ARHGAP15: variants seen among roughly 807,000 people sequenced by gnomAD.
The protein encoded by ARHGAP15 is Rho GTPase activating protein 15.
In ARHGAP15, 51 loss-of-function variants were observed where a neutral mutation model predicts 63.7. The observed-to-expected ratio is 0.80, with a 90% CI of 0.64 to 1.01. The LOEUF (loss-of-function observed/expected upper bound fraction) is 1.01. Among genes scored for constraint, ARHGAP15 ranks in the 50% least tolerant of loss-of-function variants. The probability of loss-of-function intolerance (pLI) is 0.00; values close to 1 mark genes in which losing one functional copy is unlikely to be tolerated. For synonymous variants in ARHGAP15, 191 were observed against 193.8 expected (o/e 0.99, Z 0.12); for missense variants, 560 against 564.6 (o/e 0.99, Z 0.08).
intron 12 of ARHGAP15, among the ~76,000 whole-genome samples, chr2:143,666,327 C>T (rs1156938103): frequency 6.6e-6 from 1 of 151,798 alleles, no homozygotes; most frequent in Admixed American, 6.6e-5. Flanking sequence ...GAAAGGATTC[C>T]CTATTTAATA....
At chr2:143,624,096 A>T (rs763003389) in intron 11 of ARHGAP15, 37 bp from the exon 12 acceptor site, 1 of 1,608,206 alleles carries the variant, frequency 6.2e-7, no homozygotes, top group Admixed American at 1.7e-5. Context: ...TTGTTTCATT[A>T]AAACCAGTTG....
chr2:143,397,354 A>G (rs1414679288), intron 6 of ARHGAP15, among the ~76,000 whole-genome samples: 8 of 144,214 alleles, frequency 5.5e-5, no homozygotes, highest in Non-Finnish European at 1.0e-4. Flanking sequence ...GTGTATATAT[A>G]TATCTCCAAC....
chr2:143,319,112 G>A (rs1683872693), intron 6 of ARHGAP15, among the ~76,000 whole-genome samples: 1 of 151,778 alleles, frequency 6.6e-6, no homozygotes, highest in South Asian at 2.1e-4. Context: ...ACAATTTGTT[G>A]ATTACTTGCC....
intron 12 of ARHGAP15, among the ~76,000 whole-genome samples, chr2:143,659,408 A>AT (rs202202769): frequency 1.3e-5 from 2 of 152,192 alleles, no homozygotes; most frequent in Non-Finnish European, 2.9e-5. Context: ...TATTCATTAA[A>AT]TTTTTTTAAA....
intron 3 of ARHGAP15, among the ~76,000 whole-genome samples, chr2:143,208,408 T>C (rs1223897905): frequency 6.6e-6 from 1 of 152,194 alleles, no homozygotes; most frequent in Non-Finnish European, 1.5e-5. Flanking sequence ...CTCTTAATGT[T>C]CCTTTTAAGA....
At chr2:143,745,133 CT>C (rs1484841945) in intron 13 of ARHGAP15, among the ~76,000 whole-genome samples, 1 of 152,232 alleles carries the variant, frequency 6.6e-6, no homozygotes, top group Non-Finnish European at 1.5e-5. Flanking sequence ...CCCCCAGGAG[CT>C]TGCCTCTCAA....
intron 6 of ARHGAP15, among the ~76,000 whole-genome samples, chr2:143,407,643 C>T (rs1688257928): frequency 6.6e-6 from 1 of 151,612 alleles, no homozygotes; most frequent in Non-Finnish European, 1.5e-5. Flanking sequence ...TTCACTCTAC[C>T]AGTAGGATTA....
chr2:143,747,390 A>G (rs1686210969), intron 13 of ARHGAP15, among the ~76,000 whole-genome samples: 2 of 152,298 alleles, frequency 1.3e-5, no homozygotes, highest in South Asian at 2.1e-4. Context: ...GACATTAATT[A>G]AAGTCCATAG....
At chr2:143,680,426 A>G (rs2105369899) in intron 12 of ARHGAP15, among the ~76,000 whole-genome samples, 1 of 152,360 alleles carries the variant, frequency 6.6e-6, no homozygotes, top group East Asian at 1.9e-4. Flanking sequence ...TAGTAACCCT[A>G]TACTGGTTAT....
intron 12 of ARHGAP15, among the ~76,000 whole-genome samples, chr2:143,659,454 A>G (rs1433374804): frequency 3.3e-5 from 5 of 152,176 alleles, no homozygotes; most frequent in African/African-American, 1.2e-4. Context: ...AGCTTATGGT[A>G]GTTTGTGTGA....
chr2:143,717,910 G>T (rs1028988986), intron 13 of ARHGAP15, among the ~76,000 whole-genome samples: 2 of 151,698 alleles, frequency 1.3e-5, no homozygotes, highest in East Asian at 1.9e-4. Context: ...ATCTTCTGGG[G>T]TTTTTTATGG....
intron 12 of ARHGAP15, among the ~76,000 whole-genome samples, chr2:143,661,090 C>T (rs1166524010): frequency 2.6e-5 from 4 of 152,198 alleles, no homozygotes; most frequent in South Asian, 2.1e-4. Context: ...AAACCAGCAA[C>T]GTTGCATCTC....
At chr2:143,259,730 C>T (rs1231128334) in intron 6 of ARHGAP15, among the ~76,000 whole-genome samples, 10 of 151,970 alleles carry the variant, frequency 6.6e-5, no homozygotes, top group African/African-American at 1.5e-4. Context: ...CCTGTCTTGT[C>T]GTGGAATGGA....
At chr2:143,529,118 G>T (rs1429261375) in intron 10 of ARHGAP15, among the ~76,000 whole-genome samples, 2 of 151,950 alleles carry the variant, frequency 1.3e-5, no homozygotes, top group Non-Finnish European at 2.9e-5. Context: ...TCCTCAAACT[G>T]AACTTTTTTG....
At chr2:143,271,318 C>T (rs1681267360) in intron 6 of ARHGAP15, among the ~76,000 whole-genome samples, 1 of 152,158 alleles carries the variant, frequency 6.6e-6, no homozygotes, top group African/African-American at 2.4e-5. Context: ...AGGTCAACAC[C>T]AGGTACATTC....
chr2:143,448,147 A>G (rs1690232503), intron 8 of ARHGAP15, among the ~76,000 whole-genome samples: 1 of 152,162 alleles, frequency 6.6e-6, no homozygotes, highest in Non-Finnish European at 1.5e-5. Context: ...GAAGGAAAGA[A>G]CCATAGAGCA....
At chr2:143,701,570 C>CA (rs1029651296) in intron 12 of ARHGAP15, among the ~76,000 whole-genome samples, 1 of 151,990 alleles carries the variant, frequency 6.6e-6, no homozygotes, top group Admixed American at 6.6e-5. Flanking sequence ...CCTTTCTCTA[C>CA]AAAAAATAAA....
intron 11 of ARHGAP15, among the ~76,000 whole-genome samples, chr2:143,591,613 TC>T (rs60085570): frequency 0.28 from 25,437 of 91,704 alleles, 2,439 homozygotes; most frequent in Middle Eastern, 0.37. Flanking sequence ...TTTTGTTTGT[TC>T]TTTTTTTTTT....
At chr2:143,375,359 C>T (rs537293103) in intron 6 of ARHGAP15, among the ~76,000 whole-genome samples, 2 of 152,250 alleles carry the variant, frequency 1.3e-5, no homozygotes, top group South Asian at 2.1e-4. Context: ...ATGTAAATTT[C>T]CCAAATTCTT....
Sources: gnomAD v4.1 joint callset for allele counts (sites outside exome capture counted in the v4.1 genomes callset) on GRCh38, gnomAD v4.1.1 for gene constraint, MANE v1.5 for transcripts, NCBI Gene and HGNC (gene_info 2026-07-23, HGNC 2026-07-21) for gene names.